The following NEK8 variants were observed in gnomAD, a reference collection of about 807,000 sequenced individuals.
NEK8 encodes serine/threonine-protein kinase Nek8.
Under a neutral mutation model 77.2 loss-of-function variants are expected in NEK8, and 51 were observed. The ratio of observed to expected loss-of-function variants is 0.66; its 90% confidence interval spans 0.53 to 0.83. NEK8 has a LOEUF of 0.83. Among genes scored for constraint, NEK8 ranks in the 40% least tolerant of loss-of-function variants. The pLI is 0.00. For missense variants in NEK8, 787 were observed against 909.2 expected (o/e 0.87, Z 1.73); for synonymous variants, 365 against 363.2 (o/e 1.00, Z -0.06).
At position 28,742,447 on chromosome 17, in the gene NEK8, AG is replaced by A. The variant is rs2034433514; in HGVS notation, c.*461del. The A allele has an allele frequency of 4.3e-6, 1 of 231,934 alleles. No individual in the cohort carries two copies. The highest frequency in any genetic ancestry group is 5.3e-5 in the South Asian group (1 of 19,008). 14.4% of individuals were successfully genotyped at this position (231,934 alleles called of 1,614,324 possible). ...TCTCTACTAAAAATACAAAAAAATT[AG>A]CTGGGCGTGGTGGCACGCGCCTGTA... On this transcript the variant is annotated 3_prime_UTR_variant, in exon 15 of 15. Coordinates refer to ENST00000268766, the MANE Select transcript of NEK8 (RefSeq NM_178170.3).
Position 28,737,753 on chromosome 17 carries a change from C to T in NEK8, c.889+17C>T, listed in dbSNP as rs577084302. The T allele has an allele frequency of 8.9e-5, 143 of 1,614,102 alleles. No homozygotes were observed. The highest frequency in any genetic ancestry group is 8.2e-4 in the Admixed American group (49 of 60,020). On this transcript the variant is annotated intron_variant, in intron 6 of 14. Coordinates refer to ENST00000268766, the MANE Select transcript of NEK8 (RefSeq NM_178170.3). This position sits in a 1 kb window ranked among gnomAD's most constrained non-coding sequence, Gnocchi z 4.8. The stretch of plus-strand genomic sequence containing the variant: ...GCTGCAGAGGTAAGTGGGAAGAGGC[C>T]GCCAGTCCCCATGGATGCCACACCA...
chr17:28,731,308 G>A (rs1195614255), intron 1 of NEK8, among the ~76,000 whole-genome samples: 2 of 151,980 alleles, frequency 1.3e-5, no homozygotes, highest in African/African-American at 4.8e-5. Flanking sequence ...GGGAGGCCGA[G>A]GCGGGCAGGT....
chr17:28,730,576 C>T (rs1373650364), intron 1 of NEK8, among the ~76,000 whole-genome samples: 1 of 152,082 alleles, frequency 6.6e-6, no homozygotes, highest in Non-Finnish European at 1.5e-5. Context: ...TCCCAGCCAC[C>T]AGGAAGGGTT....
At position 28,737,181 on chromosome 17, in the gene NEK8, G is replaced by A. The variant is rs2034372913; in HGVS notation, c.619-125G>A. 1.1e-6 allele frequency: 1 copy of A among 936,572 alleles called. No individual in the cohort carries two copies. The highest frequency in any genetic ancestry group is 1.7e-6 in the Non-Finnish European group (1 of 599,916). 58.0% of individuals were successfully genotyped at this position (936,572 alleles called of 1,614,324 possible). Reference sequence around the variant, plus strand: ...CTGTTTTGGTTACTGTAGCCTTGTAGTATAGTTTGAAGTCAGGTAGCATGA... The same window carrying A: ...CTGTTTTGGTTACTGTAGCCTTGTAATATAGTTTGAAGTCAGGTAGCATGA... On this transcript the variant is annotated intron_variant, in intron 4 of 14. Transcript: ENST00000268766. The surrounding 1 kb of genome is among the most constrained non-coding windows in gnomAD (Gnocchi z 4.8).
In NEK8 at chr17:28,735,371, G is replaced by C. The variant is rs778770826; in HGVS notation, c.618G>C (p.Ala206=). 31 of 1,613,118 alleles carry C rather than the reference G, an allele frequency of 1.9e-5. No individual in the cohort carries two copies. Among genetic ancestry groups the C allele is most frequent in the Non-Finnish European group, 2.6e-5 (31 of 1,179,732 alleles). ...LASLKRAFEA[A]NLPALVLKIM... is the part of the protein sequence containing the mutation. ...GCCTCAAGAGGGCTTTCGAGGCTGC[G>C]GTGAGTGTATGCACCCTCCAGGGGA... Residue 206 remains alanine, a splice_region_variant and synonymous_variant, in exon 4 of 15, where the codon GCG becomes GCC. Transcript: ENST00000268766.
intron 1 of NEK8, among the ~76,000 whole-genome samples, chr17:28,729,098 C>A (rs918768856): frequency 6.6e-6 from 1 of 152,220 alleles, no homozygotes; most frequent in African/African-American, 2.4e-5. Flanking sequence ...TTCATTCGTT[C>A]AACAAATACT....
Position 28,740,791 on chromosome 17 carries a change from A to C in NEK8, c.1569-31A>C, listed in dbSNP as rs1472912645. 6.2e-7 allele frequency: 1 copy of C among 1,612,706 alleles called. No individual in the cohort carries two copies. The highest frequency in any genetic ancestry group is 8.5e-7 in the Non-Finnish European group (1 of 1,179,828). Reference sequence around the variant, plus strand: ...CCAGCTCCTGCCCAAACTGTCTGTCAGTTGGATTTGGCTTCTGGCTCTGCC... The same window carrying C: ...CCAGCTCCTGCCCAAACTGTCTGTCCGTTGGATTTGGCTTCTGGCTCTGCC... On this transcript the variant is annotated intron_variant, in intron 11 of 14. Coordinates refer to ENST00000268766, the MANE Select transcript of NEK8 (RefSeq NM_178170.3). The surrounding 1 kb of genome is among the most constrained non-coding windows in gnomAD (Gnocchi z 4.7).
chr17:28,734,896 C>T lies in NEK8; in HGVS notation c.378C>T (p.His126=). 6.2e-7 allele frequency: 1 copy of T among 1,613,878 alleles called. No homozygotes were observed. Residue 126 remains histidine, a synonymous_variant, in exon 3 of 15, where the codon CAC becomes CAT. Coordinates refer to ENST00000268766, the MANE Select transcript of NEK8 (RefSeq NM_178170.3). Reference sequence around the variant, plus strand: ...ATGTGCACACCCACCTCATCCTGCACCGAGACCTCAAGACCCAGAACATCC... The same window carrying T: ...ATGTGCACACCCACCTCATCCTGCATCGAGACCTCAAGACCCAGAACATCC... ...LHHVHTHLIL[H]RDLKTQNILL...
chr17:28,736,031 G>T lies in NEK8; in HGVS notation c.618+660G>T, dbSNP rs950464123. ...TATGAGTGAGAACATGCGGTGTTTG[G>T]TTTTTTGTCCTTGCGATAGTTTGCT... On this transcript the variant is annotated intron_variant, in intron 4 of 14. Transcript: ENST00000268766. 1.9e-4 allele frequency among the ~76,000 whole-genome samples: 28 copies of T among 150,152 alleles called. 1 individual carries two copies.
intron 2 of NEK8, 62 bp downstream of exon 2, chr17:28,734,250 A>G (rs2034339105): frequency 2.1e-6 from 3 of 1,428,228 alleles, no homozygotes; most frequent in Admixed American, 3.3e-5. Context: ...ACAGGCAGAC[A>G]CAGATCTCCT....
rs776139954 is a variant in NEK8 at position 28,737,602 on chromosome 17, G to A, written c.828-73G>A. 6.2e-6 allele frequency: 10 copies of A among 1,613,806 alleles called. No individual in the cohort carries two copies. The highest frequency in any genetic ancestry group is 5.5e-5 in the South Asian group (5 of 91,058). On this transcript the variant is annotated intron_variant, in intron 5 of 14. Transcript: ENST00000268766. The surrounding 1 kb of genome is among the most constrained non-coding windows in gnomAD (Gnocchi z 4.8). ...GAGGTCTGAGGCAGAGGGAAACCTG[G>A]GGCAAGTCCTCCCTTCCTGCATGTA... is the stretch of plus-strand genomic sequence containing the variant.
chr17:28,735,050 G>A, intron 3 of NEK8, 46 bp downstream of exon 3: 2 of 1,537,510 alleles, frequency 1.3e-6, no homozygotes, highest in East Asian at 2.2e-5. Flanking sequence ...AAGTCTTGAG[G>A]GCCAGGACCT....
In NEK8 at chr17:28,741,026, C is replaced by A; in HGVS notation, c.1732+41C>A. The A allele has an allele frequency of 6.2e-7, 1 of 1,614,088 alleles. No individual in the cohort carries two copies. The highest frequency in any genetic ancestry group is 1.3e-5 in the African/African-American group (1 of 75,052). ...GCTCTGGAGGTCAGAGGGGGACTCA[C>A]GGTCTCCTTGGTACCCTGTTGAAGC... is the stretch of plus-strand genomic sequence containing the variant. On this transcript the variant is annotated intron_variant, in intron 12 of 14. Transcript: ENST00000268766. This position sits in a 1 kb window ranked among gnomAD's most constrained non-coding sequence, Gnocchi z 4.5.
chr17:28,733,900 A>G (rs2034334428), intron 1 of NEK8, 83 bp from the exon 2 acceptor site: 13 of 1,140,596 alleles, frequency 1.1e-5, no homozygotes, highest in Non-Finnish European at 1.7e-5. Context: ...TCCAAGAGAC[A>G]TCAGTCACTA....
At chr17:28,731,324 G>A (rs1271237403) in intron 1 of NEK8, among the ~76,000 whole-genome samples, 1 of 152,056 alleles carries the variant, frequency 6.6e-6, no homozygotes, top group Non-Finnish European at 1.5e-5. Context: ...CAGGTCACGA[G>A]GTCAAGAGAT....
intron 2 of NEK8, chr17:28,734,542 G>C (rs1053977223): frequency 1.7e-6 from 1 of 584,612 alleles, no homozygotes; most frequent in African/African-American, 1.9e-5. Flanking sequence ...AAATTAGCCG[G>C]GTGTGGTGGC....
rs2034336285 is a variant in NEK8, at chr17:28,734,026, A to G, written c.91A>G (p.Ile31Val). Reference sequence around the variant, plus strand: ...GCGAAAGGCTGACCAGAAGCTGGTGATCATCAAGCAGATTCCAGTGGAACA... The same window carrying G: ...GCGAAAGGCTGACCAGAAGCTGGTGGTCATCAAGCAGATTCCAGTGGAACA... ...CLRKADQKLVIIKQIPVEQMT... is the reference protein window; with the variant it reads ...CLRKADQKLVVIKQIPVEQMT... Residue 31 changes from isoleucine (I) to valine (V), a missense_variant, in exon 2 of 15, where the codon ATC (isoleucine) becomes GTC (valine). This residue lies in a region of NEK8 where 271 missense variants were observed against 365.1 expected (regional missense o/e 0.74). Transcript: ENST00000268766. 1 of 1,614,258 alleles carries G rather than the reference A, an allele frequency of 6.2e-7. No individual in the cohort carries two copies. Among genetic ancestry groups the G allele is most frequent in the Non-Finnish European group, 8.5e-7 (1 of 1,180,048 alleles).
chr17:28,736,895 T>C (rs1444938150), intron 4 of NEK8, among the ~76,000 whole-genome samples: 1 of 152,274 alleles, frequency 6.6e-6, no homozygotes, highest in Non-Finnish European at 1.5e-5. Flanking sequence ...AGGGGTTTGA[T>C]GGTTTTAGGT....
At chr17:28,735,979 A>G (rs1465177060) in intron 4 of NEK8, among the ~76,000 whole-genome samples, 2 of 122,450 alleles carry the variant, frequency 1.6e-5, no homozygotes, top group African/African-American at 3.2e-5. Flanking sequence ...TCCTGTGTCC[A>G]TGTGTTCTCA....
Sources: gnomAD v4.1 joint callset for allele counts (sites outside exome capture counted in the v4.1 genomes callset) on GRCh38, gnomAD v4.1.1 for gene constraint, gnomAD v4.1.1 regional missense constraint, Gnocchi (gnomAD v3.1) non-coding constraint, MANE v1.5 for transcripts, NCBI Gene and HGNC (gene_info 2026-07-23, HGNC 2026-07-21) for gene names.